The following NPAS3 variants were observed in gnomAD, a reference collection of about 807,000 sequenced individuals.
NPAS3 encodes the protein neuronal PAS domain-containing protein 3.
In NPAS3, 14 loss-of-function variants were observed where a neutral mutation model predicts 73.1. The ratio of observed to expected loss-of-function variants is 0.19; its 90% CI spans 0.13 to 0.30. The LOEUF is 0.30. NPAS3 is among the 10% of genes least tolerant of loss of function. The pLI is 1.00. For synonymous variants in NPAS3, 620 were observed against 541.5 expected (o/e 1.14, Z -2.01); for missense variants, 1,096 against 1,250.0 (o/e 0.88, Z 1.86).
rs556719661 is a variant in NPAS3 at position 33,724,867 on chromosome 14, T to C, written c.734-10347T>C. 2.6e-5 allele frequency among the ~76,000 whole-genome samples: 4 copies of C among 152,246 alleles called. No homozygotes were observed. In the South Asian group the frequency reaches 8.3e-4, roughly 32 times the overall value. On this transcript the variant is annotated intron_variant, in intron 6 of 11. Coordinates refer to ENST00000356141, the Ensembl canonical transcript of NPAS3. Reference sequence around the variant, plus strand: ...TGGAAATCAATTTGTCTGTGTGTATTAAGAGCTTTTTTAAAAGCTCAGCCC... The same window carrying C: ...TGGAAATCAATTTGTCTGTGTGTATCAAGAGCTTTTTTAAAAGCTCAGCCC...
chr14:33,665,472 A>T (rs989073414), intron 5 of NPAS3, among the ~76,000 whole-genome samples: 5 of 152,138 alleles, frequency 3.3e-5, no homozygotes, highest in African/African-American at 1.2e-4. Flanking sequence ...ACAAAACAGG[A>T]TGACTTTGAA....
At chr14:33,022,659 C>T (rs576944045) in intron 1 of NPAS3, among the ~76,000 whole-genome samples, 37 of 105,818 alleles carry the variant, frequency 3.5e-4, no homozygotes, top group Admixed American at 1.7e-3. Context: ...AGCGAGACTC[C>T]GTCCCAAAAA....
At chr14:33,751,951 G>GT (rs1013812294) in intron 7 of NPAS3, among the ~76,000 whole-genome samples, 5 of 151,968 alleles carry the variant, frequency 3.3e-5, no homozygotes, top group African/African-American at 7.2e-5. Context: ...AAAGTTATGT[G>GT]TTTTTTAAAA....
intron 6 of NPAS3, among the ~76,000 whole-genome samples, chr14:33,684,753 C>T (rs1236036856): frequency 2.0e-5 from 3 of 152,208 alleles, no homozygotes; most frequent in African/African-American, 4.8e-5. Flanking sequence ...CACCCGTGTA[C>T]ACTTGGACTC....
intron 4 of NPAS3, among the ~76,000 whole-genome samples, chr14:33,525,443 A>C (rs1479702371): frequency 6.6e-6 from 1 of 152,222 alleles, no homozygotes; most frequent in Non-Finnish European, 1.5e-5. Context: ...GGAAATTCTC[A>C]GTAATAATGC....
intron 4 of NPAS3, among the ~76,000 whole-genome samples, chr14:33,544,826 TATGTG>T (rs2054755243): frequency 1.1e-5 from 1 of 87,150 alleles, no homozygotes; most frequent in African/African-American, 6.7e-5. Flanking sequence ...ATATAATATA[TATGTG>T]TATATATATA....
intron 6 of NPAS3, among the ~76,000 whole-genome samples, chr14:33,681,900 G>T (rs139668479): frequency 2.0e-5 from 3 of 150,894 alleles, no homozygotes; most frequent in Non-Finnish European, 4.4e-5. Flanking sequence ...CAGTGTAGTC[G>T]AGTGGTATGC....
chr14:33,549,941 G>T (rs1266283057), intron 4 of NPAS3, among the ~76,000 whole-genome samples: 1 of 152,124 alleles, frequency 6.6e-6, no homozygotes, highest in Non-Finnish European at 1.5e-5. Flanking sequence ...CAATCAGAAA[G>T]AGGAAGAAAA....
rs149675915 is a variant in NPAS3 at position 32,989,517 on chromosome 14, G to A, written c.50+50151G>A. ...AAATTAGCCGGGCGAGGTGGCGGGC[G>A]CCTGTAGTCCCAGCTACGCGGCAGG... is the stretch of plus-strand genomic sequence containing the variant. On this transcript the variant is annotated intron_variant, in intron 1 of 11. Transcript: ENST00000356141. Among the ~76,000 whole-genome samples the A allele has an allele frequency of 2.1e-3, 317 of 152,172 alleles. 1 individual carries two copies. Among genetic ancestry groups the A allele is most frequent in the Non-Finnish European group, 3.6e-3 (243 of 68,002 alleles).
chr14:33,180,088 T>C (rs8004665), intron 2 of NPAS3, among the ~76,000 whole-genome samples: 4 of 152,266 alleles, frequency 2.6e-5, no homozygotes, highest in Non-Finnish European at 5.9e-5. Flanking sequence ...AATAGCTGCA[T>C]ATCCCTATTT....
At chr14:33,256,428 G>A (rs945227664) in intron 3 of NPAS3, among the ~76,000 whole-genome samples, 1 of 152,022 alleles carries the variant, frequency 6.6e-6, no homozygotes, top group African/African-American at 2.4e-5. Flanking sequence ...AATAGTAATA[G>A]GACCCAATTT....
chr14:33,275,736 T>C (rs908234166), intron 3 of NPAS3, among the ~76,000 whole-genome samples: 1 of 152,196 alleles, frequency 6.6e-6, no homozygotes, highest in African/African-American at 2.4e-5. Context: ...TTTTTCAGTT[T>C]GGCTTTGATG....
chr14:33,398,909 G>A (rs533300820), intron 4 of NPAS3, among the ~76,000 whole-genome samples: 18 of 152,026 alleles, frequency 1.2e-4, no homozygotes, highest in African/African-American at 4.3e-4. Context: ...GTTATATTTT[G>A]CTACAATATG....
intron 1 of NPAS3, among the ~76,000 whole-genome samples, chr14:32,992,832 G>A (rs922502414): frequency 6.6e-6 from 1 of 152,068 alleles, no homozygotes; most frequent in South Asian, 2.1e-4. Flanking sequence ...TAGGAAGACC[G>A]TGATATGGAG....
At chr14:32,971,551 C>T (rs2037424525) in intron 1 of NPAS3, among the ~76,000 whole-genome samples, 2 of 152,058 alleles carry the variant, frequency 1.3e-5, no homozygotes, top group Admixed American at 6.6e-5. Context: ...TTAAAAATGC[C>T]TACTTTCATA....
rs574226957 is a variant in NPAS3 at position 33,686,968 on chromosome 14, A to G, written c.733+10583A>G. On this transcript the variant is annotated intron_variant, in intron 6 of 11. Transcript: ENST00000356141. ...AACAGAGAAGACCAGAAACAAACAA[A>G]CAAAAAAAGTCATTTAAGAGATTAT... Among the ~76,000 whole-genome samples the G allele has an allele frequency of 6.6e-5, 10 of 152,322 alleles. No individual in the cohort carries two copies. The East Asian group carries it at 1.7e-3, about 26-fold the overall frequency.
chr14:32,940,350 T>C (rs1382788526), intron 1 of NPAS3, among the ~76,000 whole-genome samples: 3 of 152,216 alleles, frequency 2.0e-5, no homozygotes, highest in Non-Finnish European at 2.9e-5. Context: ...TCAGAGTAAC[T>C]CAGCACCCCC....
At position 32,965,947 on chromosome 14, in the gene NPAS3, A is replaced by G. The variant is rs192938822; in HGVS notation, c.50+26581A>G. On this transcript the variant is annotated intron_variant, in intron 1 of 11. Coordinates refer to ENST00000356141, the Ensembl canonical transcript of NPAS3. ...AACTATCTGAAAAAGAAAGAAATCA[A>G]TCACGTTTACAATAGATAAAAAAAA... is the stretch of plus-strand genomic sequence containing the variant. 1.2e-4 allele frequency among the ~76,000 whole-genome samples: 18 copies of G among 152,334 alleles called. No individual in the cohort carries two copies. In the East Asian group the frequency reaches 2.3e-3, roughly 20 times the overall value.
At chr14:33,386,502 C>T (rs1469831059) in intron 4 of NPAS3, among the ~76,000 whole-genome samples, 1 of 96,720 alleles carries the variant, frequency 1.0e-5, no homozygotes, top group East Asian at 3.0e-4. Flanking sequence ...TATCCACTTT[C>T]AGTTTCAATC....
Sources: allele counts gnomAD v4.1 joint callset (sites outside exome capture counted in the v4.1 genomes callset), GRCh38; gene constraint gnomAD v4.1.1; transcripts MANE v1.5; gene names NCBI Gene and HGNC (gene_info 2026-07-23, HGNC 2026-07-21).